TTC7A: variants seen among roughly 807,000 people sequenced by gnomAD.
The protein encoded by TTC7A is tetratricopeptide repeat domain 7A, also known as tetratricopeptide repeat protein 7A.
Under a neutral mutation model 103.7 loss-of-function variants are expected in TTC7A, and 110 were observed. The ratio of observed to expected loss-of-function variants is 1.06; its 90% CI spans 0.91 to 1.24. The LOEUF is 1.24. Among genes scored for constraint, TTC7A ranks in the 50% most tolerant of loss-of-function variants. The pLI is 0.00. For synonymous variants in TTC7A, 521 were observed against 467.9 expected (o/e 1.11, Z -1.47); for missense variants, 1,340 against 1,116.3 (o/e 1.20, Z -2.86).
intron 5 of TTC7A, among the ~76,000 whole-genome samples, chr2:46,983,198 G>C (rs1006925446): frequency 6.6e-6 from 1 of 152,142 alleles, no homozygotes; most frequent in Admixed American, 6.5e-5. Flanking sequence ...TGGGAGACCC[G>C]AGGCAGTTCA....
intron 3 of TTC7A, among the ~76,000 whole-genome samples, chr2:46,962,311 T>G (rs1672451770): frequency 6.6e-6 from 1 of 152,202 alleles, no homozygotes; most frequent in Non-Finnish European, 1.5e-5. Flanking sequence ...TTGTTCAGCC[T>G]GCAACATCGT....
intron 19 of TTC7A, among the ~76,000 whole-genome samples, chr2:47,069,193 C>G (rs1311875189): frequency 6.6e-6 from 1 of 152,074 alleles, no homozygotes; most frequent in African/African-American, 2.4e-5. Context: ...GGAGAAAAGG[C>G]CCAGCCACTG....
chr2:46,992,245 A>G (rs1472746385), intron 5 of TTC7A, among the ~76,000 whole-genome samples: 2 of 152,224 alleles, frequency 1.3e-5, no homozygotes, highest in East Asian at 3.8e-4. Context: ...GTGGAGCTTT[A>G]GAAACACGGG....
chr2:46,955,190 A>G (rs1230367697), intron 2 of TTC7A, among the ~76,000 whole-genome samples: 1 of 151,108 alleles, frequency 6.6e-6, no homozygotes, highest in African/African-American at 2.5e-5. Context: ...AGGTGTTATT[A>G]TCTCTCCCTC....
chr2:47,046,250 C>T (rs780571372), intron 15 of TTC7A, 65 bp from the exon 16 acceptor site: 17 of 1,303,092 alleles, frequency 1.3e-5, no homozygotes, highest in Non-Finnish European at 1.8e-5. Flanking sequence ...CCTGGTGGGG[C>T]AGGATCCCCA....
chr2:46,980,212 C>G (rs1035592091), intron 5 of TTC7A, among the ~76,000 whole-genome samples: 2 of 142,326 alleles, frequency 1.4e-5, no homozygotes, highest in African/African-American at 5.1e-5. Flanking sequence ...CCTATACTCT[C>G]TCTCTTTTTT....
chr2:47,042,197 T>G (rs1007230488), intron 15 of TTC7A, among the ~76,000 whole-genome samples: 1 of 152,212 alleles, frequency 6.6e-6, no homozygotes, highest in African/African-American at 2.4e-5. Context: ...AATGTAGATT[T>G]CCCTGAGAGG....
intron 5 of TTC7A, among the ~76,000 whole-genome samples, chr2:46,987,485 A>G (rs2104339864): frequency 6.6e-6 from 1 of 152,304 alleles, no homozygotes; most frequent in African/African-American, 2.4e-5. Context: ...TCCCAAGGAC[A>G]AGAATGTGAG....
intron 11 of TTC7A, among the ~76,000 whole-genome samples, chr2:47,016,367 G>A (rs1459615730): frequency 6.6e-6 from 1 of 152,218 alleles, no homozygotes; most frequent in Non-Finnish European, 1.5e-5. Flanking sequence ...TCCTAGACAG[G>A]TGACCTTGGA....
intron 15 of TTC7A, among the ~76,000 whole-genome samples, chr2:47,033,356 C>G (rs1680767288): frequency 6.6e-6 from 1 of 152,224 alleles, no homozygotes; most frequent in Non-Finnish European, 1.5e-5. Flanking sequence ...TGCCTGAGGC[C>G]TATTAGAGGC....
chr2:46,988,312 T>A (rs1296674304), intron 5 of TTC7A, among the ~76,000 whole-genome samples: 1 of 152,142 alleles, frequency 6.6e-6, no homozygotes, highest in Non-Finnish European at 1.5e-5. Flanking sequence ...GAATCCTCTG[T>A]TTGAAACAGA....
intron 11 of TTC7A, among the ~76,000 whole-genome samples, chr2:47,020,169 G>A (rs893848193): frequency 3.3e-5 from 5 of 152,176 alleles, no homozygotes; most frequent in Non-Finnish European, 4.4e-5. Context: ...GGGGAGGAGC[G>A]GGGGTCCCAC....
chr2:46,951,768 A>G (rs982322122), intron 2 of TTC7A: 2 of 420,742 alleles, frequency 4.8e-6, no homozygotes, highest in Non-Finnish European at 9.6e-6. Context: ...TTTTATTCCA[A>G]CGTACTGTGT....
intron 15 of TTC7A, among the ~76,000 whole-genome samples, chr2:47,043,904 G>T (rs992935610): frequency 8.5e-5 from 13 of 152,242 alleles, no homozygotes; most frequent in African/African-American, 2.7e-4. Context: ...GTGTGGTCGG[G>T]TCTGCCCTAG....
intron 18 of TTC7A, among the ~76,000 whole-genome samples, chr2:47,057,273 G>A (rs1197097966): frequency 6.6e-6 from 1 of 152,216 alleles, no homozygotes; most frequent in Non-Finnish European, 1.5e-5. Context: ...GCCTTCAGGA[G>A]GCTTCCCTGC....
At chr2:46,980,513 T>G (rs1161574090) in intron 5 of TTC7A, among the ~76,000 whole-genome samples, 1 of 152,188 alleles carries the variant, frequency 6.6e-6, no homozygotes, top group African/African-American at 2.4e-5. Context: ...TGCCTGGCCC[T>G]ACTTTATACT....
At chr2:46,921,110 C>T (rs1366717829) in intron 2 of TTC7A, among the ~76,000 whole-genome samples, 1 of 152,070 alleles carries the variant, frequency 6.6e-6, no homozygotes, top group Non-Finnish European at 1.5e-5. Flanking sequence ...AGGAACAAAG[C>T]AAGGATGTCC....
At chr2:47,005,232 G>GA (rs565873372) in intron 8 of TTC7A, among the ~76,000 whole-genome samples, 87 of 152,160 alleles carry the variant, frequency 5.7e-4, no homozygotes, top group African/African-American at 2.0e-3. Flanking sequence ...GAGAGGAAGG[G>GA]AGGGGGGGGC....
chr2:47,031,230 A>G (rs1325032915), intron 15 of TTC7A, among the ~76,000 whole-genome samples: 1 of 152,232 alleles, frequency 6.6e-6, no homozygotes, highest in Admixed American at 6.5e-5. Context: ...AACACAGAGA[A>G]AACAGTGTGT....
Sources: allele counts gnomAD v4.1 joint callset (sites outside exome capture counted in the v4.1 genomes callset), GRCh38; gene constraint gnomAD v4.1.1; transcripts MANE v1.5; gene names NCBI Gene and HGNC (gene_info 2026-07-23, HGNC 2026-07-21).